Variants in DNHD1 observed in about 807,000 individuals in gnomAD.
DNHD1 encodes dynein heavy chain domain 1, also known as dynein heavy chain domain-containing protein 1.
A neutral mutation model predicts 458.1 loss-of-function variants in DNHD1; 383 were observed. That is an observed-to-expected ratio of 0.84 (90% CI 0.77 to 0.91). The LOEUF (loss-of-function observed/expected upper bound fraction) is 0.91, where lower values mean the gene tolerates loss of function less well. DNHD1 is among the 40% of genes least tolerant of loss of function. The probability of loss-of-function intolerance (pLI) is 0.00; values close to 1 mark genes in which losing one functional copy is unlikely to be tolerated. For synonymous variants in DNHD1, 2,203 were observed against 2,376.9 expected (o/e 0.93, Z 2.13); for missense variants, 5,336 against 5,866.1 (o/e 0.91, Z 2.95).
rs371403221 is a variant in DNHD1, at chr11:6,505,613, TG to T, written c.920+2689del. On this transcript the variant is annotated intron_variant, in intron 4 of 42. Transcript: ENST00000254579. This position sits in a 1 kb window ranked among gnomAD's most constrained non-coding sequence, Gnocchi z 4.4. ...ATTCACTTTGTTGAAATGCCTAGTA[TG>T]GTTTCTGTTTTACTGACTGGACCCT... 1.3e-3 allele frequency among the ~76,000 whole-genome samples: 194 copies of T among 152,330 alleles called. No individual in the cohort carries two copies. Among genetic ancestry groups the T allele is most frequent in the Middle Eastern group, 0.01 (3 of 294 alleles).
At chr11:6,510,887 T>C (rs1373543787) in intron 6 of DNHD1, among the ~76,000 whole-genome samples, 1 of 152,190 alleles carries the variant, frequency 6.6e-6, no homozygotes, top group East Asian at 1.9e-4. Context: ...TTTCATCACA[T>C]TTGATCCTAA....
intron 28 of DNHD1, among the ~76,000 whole-genome samples, chr11:6,560,142 T>C (rs2134449726): frequency 6.6e-6 from 1 of 152,324 alleles, no homozygotes; most frequent in African/African-American, 2.4e-5. Context: ...AGCACCTTTT[T>C]TTCCTACTAC....
Position 6,498,251 on chromosome 11 carries a change from TG to T in DNHD1, c.37del (p.Asp13MetfsTer34), listed in dbSNP as rs1337654461. On this transcript the variant is annotated frameshift_variant, in exon 3 of 43. Transcript: ENST00000254579. LOFTEE classifies it high-confidence loss of function. ...PEERRVGLSS[D>X]ETSSDSLKSW... ...AGGAGAGGAGGGTAGGTTTGTCTTCTGATGAGACATCATCTGATTCCCTTAA... is the reference window on the plus strand; with the variant it reads ...AGGAGAGGAGGGTAGGTTTGTCTTCTATGAGACATCATCTGATTCCCTTAA... The T allele has an allele frequency of 5.0e-6, 8 of 1,614,026 alleles. No individual in the cohort carries two copies. Among genetic ancestry groups the T allele is most frequent in the African/African-American group, 1.3e-5 (1 of 74,948 alleles).
chr11:6,568,630 T>A (rs746266054), intron 38 of DNHD1, 35 bp from the exon 39 acceptor site: 1 of 1,613,844 alleles, frequency 6.2e-7, no homozygotes, highest in Non-Finnish European at 8.5e-7. Flanking sequence ...AGGGCAACTG[T>A]GCTGTGCTGA....
chr11:6,558,336 T>G (rs1377022982), intron 25 of DNHD1, 39 bp downstream of exon 25: 1 of 1,539,230 alleles, frequency 6.5e-7, no homozygotes, highest in Admixed American at 2.0e-5. Flanking sequence ...TGCTCTGCTC[T>G]TACGCTGTCT....
At chr11:6,520,578 G>A in intron 10 of DNHD1, 2 of 1,240,212 alleles carry the variant, frequency 1.6e-6, no homozygotes, top group Non-Finnish European at 2.0e-6. Flanking sequence ...AACTCTGTGA[G>A]GTTTTTCTCC....
chr11:6,523,410 T>G (rs1160953910), intron 10 of DNHD1, among the ~76,000 whole-genome samples: 1 of 152,104 alleles, frequency 6.6e-6, no homozygotes, highest in Non-Finnish European at 1.5e-5. Flanking sequence ...AGATTTTTTT[T>G]TCCTTGCCGC....
At position 6,571,341 on chromosome 11, in the gene DNHD1, A is replaced by AT. The variant is rs746906329; in HGVS notation, c.13832dup (p.Gly4613TrpfsTer2). 1 of 1,612,498 alleles carries AT rather than the reference A, an allele frequency of 6.2e-7. No homozygotes were observed. The highest frequency in any genetic ancestry group is 1.1e-5 in the South Asian group (1 of 90,838). On this transcript the variant is annotated frameshift_variant, in exon 42 of 43. Coordinates refer to ENST00000254579, the MANE Select transcript of DNHD1 (RefSeq NM_144666.3). LOFTEE classifies it high-confidence loss of function. This position sits in a 1 kb window ranked among gnomAD's most constrained non-coding sequence, Gnocchi z 5.0. ...CTGGACCAGAATGTGCCCAGCTCGAATTTCCCTGGTAGCCGAGGCTCGGTC... is the reference window on the plus strand; with the variant it reads ...CTGGACCAGAATGTGCCCAGCTCGAATTTTCCCTGGTAGCCGAGGCTCGGTC...
chr11:6,511,585 G>T (rs766228350), intron 7 of DNHD1, among the ~76,000 whole-genome samples, 156 bp downstream of exon 7: 1 of 152,202 alleles, frequency 6.6e-6, no homozygotes, highest in Non-Finnish European at 1.5e-5. Context: ...AGCAGTTTCT[G>T]CTCTAGGATG....
At position 6,567,470 on chromosome 11, in the gene DNHD1, G is replaced by A. The variant is rs1853734079; in HGVS notation, c.11961G>A (p.Trp3987Ter). ...ARPAWLGPKAWHECEMLELLP... is the reference protein window; with the variant it reads ...ARPAWLGPKA ...CGGCCTGGCTTGGGCCAAAAGCCTGGCATGAATGTGAGATGTTAGAGCTGC... is the reference window on the plus strand; with the variant it reads ...CGGCCTGGCTTGGGCCAAAAGCCTGACATGAATGTGAGATGTTAGAGCTGC... Residue 3987 changes from tryptophan to a stop codon, truncating the protein, a stop_gained, in exon 36 of 43, where the codon TGG becomes TGA. Coordinates refer to ENST00000254579, the MANE Select transcript of DNHD1 (RefSeq NM_144666.3). LOFTEE classifies it high-confidence loss of function. 1 of 1,612,868 alleles carries A rather than the reference G, an allele frequency of 6.2e-7. No homozygotes were observed. The highest frequency in any genetic ancestry group is 1.1e-5 in the South Asian group (1 of 90,890).
chr11:6,555,358 A>G (rs985011909), intron 24 of DNHD1, among the ~76,000 whole-genome samples: 2 of 152,162 alleles, frequency 1.3e-5, no homozygotes, highest in African/African-American at 2.4e-5. Flanking sequence ...CTTGTTTCCT[A>G]TTGTTGTGGT....
At position 6,519,990 on chromosome 11, in the gene DNHD1, C is replaced by T; in HGVS notation, c.1673C>T (p.Ser558Leu). The T allele has an allele frequency of 6.2e-7, 1 of 1,614,158 alleles. No homozygotes were observed. Among genetic ancestry groups the T allele is most frequent in the Non-Finnish European group, 8.5e-7 (1 of 1,180,018 alleles). Reference sequence around the variant, plus strand: ...GCCCCAAGGCAGAAACCCTTTCTCTCATCACAGCTGGTCTTTGATGATCAT... The same window carrying T: ...GCCCCAAGGCAGAAACCCTTTCTCTTATCACAGCTGGTCTTTGATGATCAT... Reference protein sequence around the residue: ...LQAPRQKPFLSSQLVFDDHGQ... With the variant: ...LQAPRQKPFLLSQLVFDDHGQ... The change falls in exon 9 of 43, where the codon TCA (serine) becomes TTA (leucine). Residue 558 changes from serine to leucine, a missense_variant. Physicochemically the swap from Ser to Leu is moderately radical, Grantham distance 145. This residue lies in a region of DNHD1 where 3,932 missense variants were observed against 4,365.6 expected (regional missense o/e 0.90). Coordinates refer to ENST00000254579, the MANE Select transcript of DNHD1 (RefSeq NM_144666.3).
chr11:6,558,740 A>G, intron 26 of DNHD1, 47 bp downstream of exon 26: 1 of 1,538,544 alleles, frequency 6.5e-7, no homozygotes, highest in Middle Eastern at 1.7e-4. Context: ...ACCAGGCTCT[A>G]ATGAGGGTTA....
At chr11:6,551,116 A>C (rs1216012506) in intron 24 of DNHD1, among the ~76,000 whole-genome samples, 1 of 152,250 alleles carries the variant, frequency 6.6e-6, no homozygotes, top group Non-Finnish European at 1.5e-5. Context: ...ATAAGTCTCA[A>C]CAAATTTCAA....
chr11:6,544,488 C>A, intron 19 of DNHD1, 86 bp from the exon 20 acceptor site: 2 of 1,194,028 alleles, frequency 1.7e-6, no homozygotes, highest in Non-Finnish European at 2.4e-6. Context: ...GGTGGGGTAC[C>A]TGAGAGGTCA....
Position 6,546,792 on chromosome 11 carries a change from G to A in DNHD1, c.5853G>A (p.Leu1951=). Residue 1951 remains leucine (L), a synonymous_variant, in exon 21 of 43, where the codon CTG becomes CTA. Transcript: ENST00000254579. ...TGGCAGAACCTATGACTTACAAGCTGATGAAGCCATTGGTGGTGGAGGAAC... is the reference window on the plus strand; with the variant it reads ...TGGCAGAACCTATGACTTACAAGCTAATGAAGCCATTGGTGGTGGAGGAAC... ...QVLAEPMTYK[L]MKPLVVEELQ... 6.4e-7 allele frequency: 1 copy of A among 1,551,842 alleles called. No homozygotes were observed. The highest frequency in any genetic ancestry group is 8.7e-7 in the Non-Finnish European group (1 of 1,147,024).
At chr11:6,533,640 G>T in intron 13 of DNHD1, 41 bp from the exon 14 acceptor site, 1 of 1,513,986 alleles carries the variant, frequency 6.6e-7, no homozygotes, top group African/African-American at 1.4e-5. Flanking sequence ...AGAGGTACAT[G>T]GGGTTGTGGG....
At chr11:6,542,877 C>T (rs1354858888) in intron 18 of DNHD1, among the ~76,000 whole-genome samples, 2 of 152,234 alleles carry the variant, frequency 1.3e-5, no homozygotes, top group East Asian at 3.8e-4. Context: ...TTGGCAGACA[C>T]AGCTTGGATC....
At chr11:6,533,650 G>A in intron 13 of DNHD1, 31 bp from the exon 14 acceptor site, 1 of 1,521,504 alleles carries the variant, frequency 6.6e-7, no homozygotes, top group Non-Finnish European at 8.8e-7. Context: ...GGGGTTGTGG[G>A]GCTGCCGGTC....
Sources: allele counts gnomAD v4.1 joint callset (sites outside exome capture counted in the v4.1 genomes callset), GRCh38; gene constraint gnomAD v4.1.1; regional missense constraint gnomAD v4.1.1; non-coding constraint Gnocchi (gnomAD v3.1); transcripts MANE v1.5; gene names NCBI Gene and HGNC (gene_info 2026-07-23, HGNC 2026-07-21).